Variants in SDCCAG8 observed in about 807,000 individuals in gnomAD.
SDCCAG8 encodes the protein SHH signaling and ciliogenesis regulator SDCCAG8.
Under a neutral mutation model 101.8 loss-of-function variants are expected in SDCCAG8, and 74 were observed. That is an observed-to-expected ratio of 0.73 (90% CI 0.60 to 0.88). The LOEUF (loss-of-function observed/expected upper bound fraction) is 0.88, where lower values mean the gene tolerates loss of function less well. Among genes scored for constraint, SDCCAG8 ranks in the 40% least tolerant of loss-of-function variants. The pLI, the probability that SDCCAG8 is intolerant of heterozygous loss-of-function variation, is 0.00. For synonymous variants in SDCCAG8, 281 were observed against 292.9 expected, an observed-to-expected ratio of 0.96 and a Z score of 0.41; for missense variants, 787 against 822.6, an observed-to-expected ratio of 0.96 and a Z score of 0.53.
chr1:243,386,902 A>G (rs2078340188), intron 13 of SDCCAG8, among the ~76,000 whole-genome samples: 1 of 152,214 alleles, frequency 6.6e-6, no homozygotes, highest in Admixed American at 6.5e-5. Context: ...ATTATTTGCC[A>G]TTGTCATTTA....
At chr1:243,473,583 T>A (rs1171687282) in intron 16 of SDCCAG8, among the ~76,000 whole-genome samples, 2 of 152,176 alleles carry the variant, frequency 1.3e-5, no homozygotes, top group Non-Finnish European at 2.9e-5. Flanking sequence ...TTGGGCAGAT[T>A]GTGTTAGAAA....
chr1:243,445,223 G>T (rs1417502649), intron 16 of SDCCAG8, among the ~76,000 whole-genome samples: 1 of 152,106 alleles, frequency 6.6e-6, no homozygotes, highest in Non-Finnish European at 1.5e-5. Context: ...ATCAGAAGAG[G>T]CCTGAAAGAT....
intron 16 of SDCCAG8, among the ~76,000 whole-genome samples, chr1:243,438,842 T>G (rs2082331988): frequency 6.6e-6 from 1 of 152,198 alleles, no homozygotes; most frequent in Non-Finnish European, 1.5e-5. Context: ...CTGAGTTTAT[T>G]GACATTTTCA....
At chr1:243,412,006 C>T (rs537158769) in intron 13 of SDCCAG8, among the ~76,000 whole-genome samples, 1 of 152,280 alleles carries the variant, frequency 6.6e-6, no homozygotes, top group South Asian at 2.1e-4. Context: ...ATTTGACTCT[C>T]ATTTTGTTAT....
chr1:243,290,325 A>C (rs571489750), intron 5 of SDCCAG8, among the ~76,000 whole-genome samples: 1 of 152,172 alleles, frequency 6.6e-6, no homozygotes, highest in Non-Finnish European at 1.5e-5. Flanking sequence ...TTTTAAAACT[A>C]TCTGTGAAAG....
At chr1:243,260,069 AT>A (rs2067086493) in intron 1 of SDCCAG8, among the ~76,000 whole-genome samples, 2 of 152,152 alleles carry the variant, frequency 1.3e-5, no homozygotes, top group Non-Finnish European at 2.9e-5. Flanking sequence ...TTCTCTAAAG[AT>A]ATCTCTTGCT....
At chr1:243,353,359 C>T (rs540508965) in intron 12 of SDCCAG8, among the ~76,000 whole-genome samples, 8 of 151,284 alleles carry the variant, frequency 5.3e-5, no homozygotes, top group Admixed American at 1.3e-4. Context: ...GGTGTGGTGG[C>T]GCGCGCCTGT....
chr1:243,271,037 T>A lies in SDCCAG8; in HGVS notation c.280T>A (p.Ser94Thr), dbSNP rs776810375. 89 of 1,613,016 alleles carry A rather than the reference T, an allele frequency of 5.5e-5. No homozygotes were observed. The highest frequency in any genetic ancestry group is 7.1e-5 in the Non-Finnish European group (84 of 1,179,254). ...QADKESEVSP[S>T]RRRKMSPLRS... is the part of the protein sequence containing the mutation. ...AGATAAGGAAAGTGAAGTATCTCCG[T>A]CAAGAAGAAGAAAAATGTCCCCCTT... The change falls in exon 3 of 18, where the codon TCA becomes ACA. Residue 94 changes from serine (S) to threonine (T), a missense_variant. Physicochemically the swap from Ser to Thr is moderately conservative, Grantham distance 58 (BLOSUM62 1). Coordinates refer to ENST00000366541, the MANE Select transcript of SDCCAG8 (RefSeq NM_006642.5).
chr1:243,382,250 G>C (rs1451003064), intron 13 of SDCCAG8, among the ~76,000 whole-genome samples: 1 of 152,074 alleles, frequency 6.6e-6, no homozygotes, highest in Non-Finnish European at 1.5e-5. Context: ...TTCTGGGTTG[G>C]GAGCTGGACT....
intron 8 of SDCCAG8, 137 bp downstream of exon 8, chr1:243,308,314 G>A: frequency 3.9e-6 from 4 of 1,036,144 alleles, no homozygotes; most frequent in Admixed American, 1.8e-5. Context: ...ATTTTAAAAG[G>A]TTCCTTCATT....
chr1:243,415,915 G>A (rs2080546701), intron 14 of SDCCAG8, 86 bp downstream of exon 14: 2 of 1,529,168 alleles, frequency 1.3e-6, no homozygotes, highest in Admixed American at 3.9e-5. Flanking sequence ...AGGAACACCT[G>A]TAACCTTTGG....
intron 16 of SDCCAG8, among the ~76,000 whole-genome samples, chr1:243,452,409 CATCTCT>C (rs1403328754): frequency 0.07 from 8,484 of 120,874 alleles, 632 homozygotes; most frequent in Non-Finnish European, 0.079. Context: ...GAGATGATCT[CATCTCT>C]TTTTTTTTTT....
chr1:243,275,570 A>G (rs999649209), intron 4 of SDCCAG8, among the ~76,000 whole-genome samples: 8 of 152,140 alleles, frequency 5.3e-5, no homozygotes, highest in African/African-American at 1.7e-4. Flanking sequence ...GTGGTCCTGG[A>G]TTACCAGTAA....
At chr1:243,306,523 A>AAGAGGCATTTTCAT (rs1367599008) in intron 7 of SDCCAG8, 1 of 152,142 alleles carries the variant, frequency 6.6e-6, no homozygotes, top group Admixed American at 6.5e-5. Context: ...GCATTTTCAT[A>AAGAGGCATTTTCAT]AATAAATAAA....
intron 16 of SDCCAG8, among the ~76,000 whole-genome samples, chr1:243,453,775 A>G (rs1237963973): frequency 1.3e-5 from 2 of 152,196 alleles, no homozygotes; most frequent in Non-Finnish European, 2.9e-5. Context: ...TTTTCTTCAG[A>G]CTGTATATAT....
intron 13 of SDCCAG8, among the ~76,000 whole-genome samples, chr1:243,413,977 G>C (rs750753722): frequency 6.6e-6 from 1 of 152,182 alleles, no homozygotes; most frequent in Non-Finnish European, 1.5e-5. Flanking sequence ...CCTATGACAA[G>C]AGTATAACAA....
At chr1:243,394,847 T>C (rs2147954035) in intron 13 of SDCCAG8, among the ~76,000 whole-genome samples, 1 of 148,758 alleles carries the variant, frequency 6.7e-6, no homozygotes, top group Non-Finnish European at 1.5e-5. Flanking sequence ...ATGCCTCTTT[T>C]TCTGTTTTTT....
intron 17 of SDCCAG8, among the ~76,000 whole-genome samples, chr1:243,492,478 A>T (rs1666733850): frequency 6.8e-6 from 1 of 146,668 alleles, no homozygotes; most frequent in Non-Finnish European, 1.5e-5. Context: ...ATTTTTTTGT[A>T]TTTTTAATAG....
intron 4 of SDCCAG8, among the ~76,000 whole-genome samples, 184 bp downstream of exon 4, chr1:243,274,840 C>A (rs2068402765): frequency 6.6e-6 from 1 of 152,180 alleles, no homozygotes; most frequent in Admixed American, 6.5e-5. Context: ...ATGCTCTTGA[C>A]CATACCATTT....
Sources: gnomAD v4.1 joint callset for allele counts (sites outside exome capture counted in the v4.1 genomes callset) on GRCh38, gnomAD v4.1.1 for gene constraint, MANE v1.5 for transcripts, NCBI Gene and HGNC (gene_info 2026-07-23, HGNC 2026-07-21) for gene names.